Variants in MICAL3 observed in about 807,000 individuals in gnomAD.
MICAL3 encodes [F-actin]-monooxygenase MICAL3.
MICAL3 carries 62 observed loss-of-function variants against 207.4 expected under a neutral mutation model. That is an observed-to-expected ratio of 0.30 (90% CI 0.24 to 0.37). The LOEUF is 0.37. MICAL3 is among the 10% of genes least tolerant of loss of function. The pLI is 1.00. For synonymous variants in MICAL3, 1,077 were observed against 1,069.3 expected (o/e 1.01, Z -0.14); for missense variants, 2,368 against 2,635.6 (o/e 0.90, Z 2.22).
intron 16 of MICAL3, chr22:17,875,175 T>C (rs1403035820): frequency 4.6e-6 from 1 of 217,106 alleles, no homozygotes; most frequent in African/African-American, 2.3e-5. Context: ...TTTGATATAG[T>C]TGAAATAGGA....
chr22:17,868,511 G>A (rs968586908), intron 17 of MICAL3, among the ~76,000 whole-genome samples: 9 of 152,136 alleles, frequency 5.9e-5, no homozygotes, highest in African/African-American at 1.7e-4. Context: ...TCAGTGAACC[G>A]CAGAGGCGGA....
intron 19 of MICAL3, among the ~76,000 whole-genome samples, chr22:17,845,366 T>C (rs1924521362): frequency 1.3e-5 from 2 of 152,180 alleles, no homozygotes; most frequent in African/African-American, 4.8e-5. Flanking sequence ...GCAAGAATTC[T>C]ACTAGGACCA....
At chr22:17,999,509 G>A (rs1922686127) in intron 1 of MICAL3, among the ~76,000 whole-genome samples, 1 of 152,280 alleles carries the variant, frequency 6.6e-6, no homozygotes, top group African/African-American at 2.4e-5. Context: ...AGGAAGAGAG[G>A]AAAAATTTAC....
chr22:17,978,824 G>A lies in MICAL3; in HGVS notation c.-75+45457C>T, dbSNP rs139710562. On this transcript the variant is annotated intron_variant, in intron 1 of 31. Coordinates refer to ENST00000441493, the MANE Select transcript of MICAL3 (RefSeq NM_015241.3). ...GTGAGCCACCGTGCCTGGCCTGAGC[G>A]GTACACTTAAAATGAATGAATGGTA... Among the ~76,000 whole-genome samples, 358 of 151,300 alleles carry A rather than the reference G, an allele frequency of 2.4e-3. 1 individual carries two copies. Among genetic ancestry groups the A allele is most frequent in the Admixed American group, 4.1e-3 (63 of 15,228 alleles).
rs189036398 is a variant in MICAL3, at chr22:17,897,066, T to G, written c.949-85A>C. The G allele has an allele frequency of 1.8e-5, 26 of 1,436,656 alleles. No individual in the cohort carries two copies. In the East Asian group the frequency reaches 4.8e-4, roughly 26 times the overall value. 89.0% of individuals were successfully genotyped at this position (1,436,656 alleles called of 1,614,324 possible). A position where few individuals can be genotyped will look rare whatever the true frequency, so the allele number is the denominator to read the frequency against. On this transcript the variant is annotated intron_variant, in intron 7 of 31. Transcript: ENST00000441493. ...TGTTACACAACCCAGGGCCACAGCT[T>G]CTTCTTCCCCCTAAAGTGACTCCAC...
intron 16 of MICAL3, chr22:17,872,783 T>C (rs1927855457): frequency 1.2e-6 from 2 of 1,613,702 alleles, no homozygotes; most frequent in Admixed American, 3.3e-5. Context: ...TGGGTTGTTC[T>C]TTCCTTTGAA....
intron 1 of MICAL3, among the ~76,000 whole-genome samples, chr22:17,934,775 T>G (rs1405126744): frequency 6.6e-6 from 1 of 152,114 alleles, no homozygotes; most frequent in Non-Finnish European, 1.5e-5. Context: ...GGATACAAAA[T>G]CAATGTGCAA....
chr22:17,904,459 C>T (rs1282872976), intron 3 of MICAL3, among the ~76,000 whole-genome samples, 173 bp downstream of exon 3: 1 of 152,236 alleles, frequency 6.6e-6, no homozygotes, highest in East Asian at 1.9e-4. Context: ...AGAACCACCA[C>T]ATAGCAGGTG....
chr22:17,992,316 CAG>C (rs1921771144), intron 1 of MICAL3, among the ~76,000 whole-genome samples: 2 of 152,218 alleles, frequency 1.3e-5, no homozygotes, highest in South Asian at 2.1e-4. Context: ...ACAGCAGACA[CAG>C]GGGGTAGGCA....
chr22:17,900,968 G>T lies in MICAL3; in HGVS notation c.721C>A (p.Leu241Met). 6.2e-7 allele frequency: 1 copy of T among 1,614,024 alleles called. No homozygotes were observed. The highest frequency in any genetic ancestry group is 1.3e-5 in the African/African-American group (1 of 75,054). Residue 241 changes from leucine (L) to methionine (M), a missense_variant, in exon 6 of 32, where the codon CTG becomes ATG. Transcript: ENST00000441493. This position sits in a 1 kb window ranked among gnomAD's most constrained non-coding sequence, Gnocchi z 4.0. Reference protein sequence around the residue: ...GFRRKEFRGKLAIAITANFIN... With the variant: ...GFRRKEFRGKMAIAITANFIN... ...AAATTTGCCGTGATGGCGATGGCCA[G>T]TTTGCCACGGAATTCTTTCCGACGA...
At chr22:17,965,542 T>C (rs1935108525) in intron 1 of MICAL3, among the ~76,000 whole-genome samples, 1 of 152,236 alleles carries the variant, frequency 6.6e-6, no homozygotes, top group South Asian at 2.1e-4. Context: ...AGTGTATTCA[T>C]CACTTACTAC....
At chr22:17,918,116 A>G (rs1325898436) in intron 1 of MICAL3, among the ~76,000 whole-genome samples, 2 of 152,202 alleles carry the variant, frequency 1.3e-5, no homozygotes, top group East Asian at 3.9e-4. Context: ...ATAAAAGCAA[A>G]TATAAAATAA....
chr22:17,826,198 G>A (rs988181028), intron 22 of MICAL3, among the ~76,000 whole-genome samples: 2 of 138,236 alleles, frequency 1.4e-5, no homozygotes, highest in Non-Finnish European at 3.3e-5. Flanking sequence ...CTTTTTATCC[G>A]ACTCTTATCA....
At position 17,856,715 on chromosome 22, in the gene MICAL3, A is replaced by G. The variant is rs550908161; in HGVS notation, c.2605+8184T>C. Reference sequence around the variant, plus strand: ...CGGCTCACTGCAAGCTCCGCTTCCCAGGTTCACGCCATTCTCCTGCCTCAG... The same window carrying G: ...CGGCTCACTGCAAGCTCCGCTTCCCGGGTTCACGCCATTCTCCTGCCTCAG... On this transcript the variant is annotated intron_variant, in intron 19 of 31. Coordinates refer to ENST00000441493, the MANE Select transcript of MICAL3 (RefSeq NM_015241.3). 6.4e-4 allele frequency among the ~76,000 whole-genome samples: 86 copies of G among 133,486 alleles called. 1 individual carries two copies. The highest frequency in any genetic ancestry group is 5.6e-3 in the South Asian group (23 of 4,130). The allele number at this position is 133,486 out of a possible 152,430, so 87.6% of individuals were successfully genotyped here. A position where few individuals can be genotyped will look rare whatever the true frequency, so the allele number is the denominator to read the frequency against.
chr22:17,979,812 GT>G (rs1935826729), intron 1 of MICAL3, among the ~76,000 whole-genome samples: 2 of 151,462 alleles, frequency 1.3e-5, no homozygotes, highest in African/African-American at 4.9e-5. Context: ...AAACCCACAG[GT>G]TTTTTTGTTG....
chr22:17,954,376 C>T (rs1569145478), intron 1 of MICAL3, among the ~76,000 whole-genome samples: 1 of 151,958 alleles, frequency 6.6e-6, no homozygotes, highest in Non-Finnish European at 1.5e-5. Context: ...TGAAAAATCA[C>T]CAAGAGGAAC....
Position 17,902,140 on chromosome 22 carries a change from T to C in MICAL3, c.590-161A>G, listed in dbSNP as rs949030478. Reference sequence around the variant, plus strand: ...GAGGCTGTGCACGGTGGCTCGTGCCTCTAATCCCAGCACTATGCGAGGCAG... The same window carrying C: ...GAGGCTGTGCACGGTGGCTCGTGCCCCTAATCCCAGCACTATGCGAGGCAG... On this transcript the variant is annotated intron_variant, in intron 4 of 31. Transcript: ENST00000441493. This position sits in a 1 kb window ranked among gnomAD's most constrained non-coding sequence, Gnocchi z 4.5. Among the ~76,000 whole-genome samples the C allele has an allele frequency of 3.3e-5, 5 of 152,212 alleles. No homozygotes were observed. Among genetic ancestry groups the C allele is most frequent in the African/African-American group, 9.6e-5 (4 of 41,452 alleles).
chr22:17,991,025 C>T (rs747664849), intron 1 of MICAL3, among the ~76,000 whole-genome samples: 5 of 152,234 alleles, frequency 3.3e-5, no homozygotes, highest in African/African-American at 9.6e-5. Flanking sequence ...CAACTGCACA[C>T]GGAGCTGAGT....
In MICAL3 at chr22:18,010,242, C is replaced by CT. The variant is rs1405055653; in HGVS notation, c.-75+14038dup. Among the ~76,000 whole-genome samples the CT allele has an allele frequency of 1.1e-4, 17 of 149,126 alleles. No homozygotes were observed. In the East Asian group the frequency reaches 3.4e-3, roughly 29 times the overall value. ...GAAAGATGTCAAGCCTTCCTTTGTCCTGTGCACAGGACAGACTCCAAATCC... is the reference window on the plus strand; with the variant it reads ...GAAAGATGTCAAGCCTTCCTTTGTCCTTGTGCACAGGACAGACTCCAAATCC... On this transcript the variant is annotated intron_variant, in intron 1 of 31. Coordinates refer to ENST00000441493, the MANE Select transcript of MICAL3 (RefSeq NM_015241.3).
Sources: allele counts gnomAD v4.1 joint callset (sites outside exome capture counted in the v4.1 genomes callset), GRCh38; gene constraint gnomAD v4.1.1; non-coding constraint Gnocchi (gnomAD v3.1); transcripts MANE v1.5; gene names NCBI Gene and HGNC (gene_info 2026-07-23, HGNC 2026-07-21).